The following CHRM3 variants were observed in gnomAD, a reference collection of about 807,000 sequenced individuals.
CHRM3 encodes cholinergic receptor muscarinic 3.
In CHRM3, 11 loss-of-function variants were observed where a neutral mutation model predicts 41.8. The observed-to-expected ratio is 0.26, with a 90% CI of 0.17 to 0.44. The LOEUF is 0.44. Among genes scored for constraint, CHRM3 ranks in the 20% least tolerant of loss-of-function variants. The pLI is 1.00. For missense variants in CHRM3, 571 were observed against 745.4 expected (o/e 0.77, Z 2.72); for synonymous variants, 297 against 301.4 (o/e 0.99, Z 0.15).
intron 3 of CHRM3, among the ~76,000 whole-genome samples, chr1:239,577,262 C>CT (rs1176541299): frequency 6.6e-6 from 1 of 151,446 alleles, no homozygotes; most frequent in Non-Finnish European, 1.5e-5. Context: ...TCTTTATTTC[C>CT]TTTTTTTGAT....
intron 5 of CHRM3, chr1:239,719,601 C>T (rs959360899): frequency 6.6e-6 from 1 of 151,878 alleles, no homozygotes; most frequent in East Asian, 1.9e-4. Flanking sequence ...GGGTCATCAG[C>T]TCTGGGGAAT....
chr1:239,678,281 T>G lies in CHRM3; in HGVS notation c.-154T>G, dbSNP rs906820814. 6.6e-6 allele frequency: 1 copy of G among 152,206 alleles called. No individual in the cohort carries two copies. Among genetic ancestry groups the G allele is most frequent in the Non-Finnish European group, 1.5e-5 (1 of 68,042 alleles). 9.4% of individuals were successfully genotyped at this position (152,206 alleles called of 1,614,324 possible). A position where few individuals can be genotyped will look rare whatever the true frequency, so the allele number is the denominator to read the frequency against. ...ATTGTATTGGTTTGATGCTCCTACCTGGAACAGGTATGTAAATCTCCAGTA... is the reference window on the plus strand; with the variant it reads ...ATTGTATTGGTTTGATGCTCCTACCGGGAACAGGTATGTAAATCTCCAGTA... On this transcript the variant is annotated 5_prime_UTR_variant, in exon 5 of 7. Transcript: ENST00000676153.
At chr1:239,636,898 C>T (rs1182734207) in intron 4 of CHRM3, among the ~76,000 whole-genome samples, 1 of 152,122 alleles carries the variant, frequency 6.6e-6, no homozygotes, top group African/African-American at 2.4e-5. Flanking sequence ...TGGCCACATA[C>T]TTGTTATGCT....
intron 5 of CHRM3, among the ~76,000 whole-genome samples, chr1:239,811,461 C>T (rs920031187): frequency 6.6e-6 from 1 of 152,210 alleles, no homozygotes; most frequent in Non-Finnish European, 1.5e-5. Context: ...CAGCCCAGCC[C>T]TTCCCTCACC....
rs373270736 is a variant in CHRM3, at chr1:239,783,758, A to G, written c.-146-43494A>G. ...GGGGGTATATGTGCAGGTTTGTCAC[A>G]TGAATAAGTTGCATGATGCTGAGGT... On this transcript the variant is annotated intron_variant, in intron 5 of 6. Coordinates refer to ENST00000676153, the MANE Select transcript of CHRM3 (RefSeq NM_001375978.1). Among the ~76,000 whole-genome samples the G allele has an allele frequency of 2.6e-5, 4 of 152,300 alleles. No individual in the cohort carries two copies. The East Asian group carries it at 5.8e-4, about 22-fold the overall frequency.
chr1:239,557,733 G>T (rs1322522064), intron 3 of CHRM3, among the ~76,000 whole-genome samples: 1 of 152,148 alleles, frequency 6.6e-6, no homozygotes, highest in Non-Finnish European at 1.5e-5. Context: ...GAGAACACAT[G>T]GTGTTTGGTT....
intron 6 of CHRM3, among the ~76,000 whole-genome samples, chr1:239,901,521 ATGTC>A (rs1679567943): frequency 6.6e-6 from 1 of 152,112 alleles, no homozygotes; most frequent in Non-Finnish European, 1.5e-5. Flanking sequence ...ATCTGTCTAT[ATGTC>A]TGTATACAAC....
intron 2 of CHRM3, among the ~76,000 whole-genome samples, chr1:239,533,830 A>G (rs1216470764): frequency 2.0e-5 from 3 of 151,526 alleles, no homozygotes; most frequent in African/African-American, 7.3e-5. Flanking sequence ...AATCAGCCCC[A>G]TGATTCATTA....
At chr1:239,778,130 A>T (rs981775697) in intron 5 of CHRM3, among the ~76,000 whole-genome samples, 5 of 152,202 alleles carry the variant, frequency 3.3e-5, no homozygotes, top group African/African-American at 4.8e-5. Context: ...AAAAGAAAAG[A>T]AACAGTGCTA....
At position 239,909,315 on chromosome 1, in the gene CHRM3, A is replaced by T; in HGVS notation, c.*91A>T. 1 of 1,342,440 alleles carries T rather than the reference A, an allele frequency of 7.4e-7. No individual in the cohort carries two copies. Among genetic ancestry groups the T allele is most frequent in the South Asian group, 1.5e-5 (1 of 68,340 alleles). 83.2% of individuals were successfully genotyped at this position (1,342,440 alleles called of 1,614,324 possible). ...GGCGAGGGCGGGGTGACTTCTGGTG[A>T]TGATAAAAATGGTTTTATCACCCAG... On this transcript the variant is annotated 3_prime_UTR_variant, in exon 7 of 7. Transcript: ENST00000676153.
Position 239,386,687 on chromosome 1 carries a change from G to A in CHRM3, c.-1061G>A, listed in dbSNP as rs186888898. ...ACCAGGCAGAGGAAGAGTTCGTGGG[G>A]AGGAAAAGACCTCTCCTCCCCCTTG... On this transcript the variant is annotated 5_prime_UTR_variant, in exon 1 of 7. Coordinates refer to ENST00000676153, the MANE Select transcript of CHRM3 (RefSeq NM_001375978.1). 1.3e-5 allele frequency: 2 copies of A among 152,734 alleles called. No individual in the cohort carries two copies. The highest frequency in any genetic ancestry group is 6.5e-5 in the Admixed American group (1 of 15,306). The allele number at this position is 152,734 out of a possible 1,614,324, so 9.5% of individuals were successfully genotyped here. A position where few individuals can be genotyped will look rare whatever the true frequency, so the allele number is the denominator to read the frequency against.
chr1:239,580,301 C>CAT (rs796615304), intron 3 of CHRM3, among the ~76,000 whole-genome samples: 1,679 of 139,188 alleles, frequency 0.012, 61 homozygotes, highest in East Asian at 0.098. Flanking sequence ...CACACACACA[C>CAT]ACACACATCA....
intron 6 of CHRM3, among the ~76,000 whole-genome samples, chr1:239,852,183 A>G (rs1290893641): frequency 6.6e-6 from 1 of 152,206 alleles, no homozygotes; most frequent in Non-Finnish European, 1.5e-5. Context: ...GGTCAATTCC[A>G]GAAATCCTGG....
intron 1 of CHRM3, among the ~76,000 whole-genome samples, chr1:239,434,355 T>A (rs905291043): frequency 6.6e-6 from 1 of 152,202 alleles, no homozygotes; most frequent in Non-Finnish European, 1.5e-5. Flanking sequence ...CCTCCTTTGT[T>A]TAGCTAATTC....
chr1:239,621,313 C>T (rs2148814764), intron 3 of CHRM3, among the ~76,000 whole-genome samples: 1 of 152,200 alleles, frequency 6.6e-6, no homozygotes, highest in East Asian at 1.9e-4. Flanking sequence ...TGAGTCACAA[C>T]AATATTGAAA....
chr1:239,728,121 G>T (rs1162624187), intron 5 of CHRM3, among the ~76,000 whole-genome samples: 1 of 151,802 alleles, frequency 6.6e-6, no homozygotes, highest in Non-Finnish European at 1.5e-5. Flanking sequence ...ACACAATGTT[G>T]GTAGGATTGT....
chr1:239,903,935 A>G (rs866174367), intron 6 of CHRM3, among the ~76,000 whole-genome samples: 1 of 152,178 alleles, frequency 6.6e-6, no homozygotes, highest in Non-Finnish European at 1.5e-5. Flanking sequence ...TATTTCCAAA[A>G]AGACAGCTGA....
At chr1:239,639,088 A>G (rs1670805228) in intron 4 of CHRM3, among the ~76,000 whole-genome samples, 1 of 151,558 alleles carries the variant, frequency 6.6e-6, no homozygotes, top group Non-Finnish European at 1.5e-5. Flanking sequence ...ATGCGGCATT[A>G]TTTCTGAGGG....
chr1:239,816,331 T>C (rs1056425085), intron 5 of CHRM3, among the ~76,000 whole-genome samples: 1 of 152,224 alleles, frequency 6.6e-6, no homozygotes, highest in African/African-American at 2.4e-5. Flanking sequence ...ACTCCACCGG[T>C]GTTGCTCCTT....
Sources: gnomAD v4.1 joint callset for allele counts (sites outside exome capture counted in the v4.1 genomes callset) on GRCh38, gnomAD v4.1.1 for gene constraint, MANE v1.5 for transcripts, NCBI Gene and HGNC (gene_info 2026-07-23, HGNC 2026-07-21) for gene names.